The following KANSL1 variants were observed in gnomAD, a reference collection of about 807,000 sequenced individuals.
The protein encoded by KANSL1 is KAT8 regulatory NSL complex subunit 1, also known as MLL1/MLL complex subunit KANSL1.
KANSL1 carries 22 observed loss-of-function variants against 103.6 expected under a neutral mutation model. That is an observed-to-expected ratio of 0.21 (90% CI 0.15 to 0.30). The LOEUF (loss-of-function observed/expected upper bound fraction) is 0.30. KANSL1 is among the 10% of genes least tolerant of loss of function. KANSL1 has a pLI of 1.00. For missense variants in KANSL1, 1,337 were observed against 1,399.8 expected, an observed-to-expected ratio of 0.96 and a Z score of 0.72; for synonymous variants, 600 against 527.6, an observed-to-expected ratio of 1.14 and a Z score of -1.88.
chr17:46,215,541 T>A (rs1342949196), intron 1 of KANSL1, among the ~76,000 whole-genome samples: 1 of 152,052 alleles, frequency 6.6e-6, no homozygotes, highest in Non-Finnish European at 1.5e-5. Context: ...GCGATGAAGG[T>A]CTGGACTCAA....
chr17:46,139,883 GA>G (rs1184476211), intron 2 of KANSL1, among the ~76,000 whole-genome samples: 1 of 152,112 alleles, frequency 6.6e-6, no homozygotes, highest in Non-Finnish European at 1.5e-5. Flanking sequence ...AGAGGGAAGG[GA>G]AAAGGCAAAA....
At position 46,117,910 on chromosome 17, in the gene KANSL1, T is replaced by C. The variant is rs147630694; in HGVS notation, c.1290-23209A>G. Reference sequence around the variant, plus strand: ...TCAACCAAATAAAATAATCCAAGAATGTCTTTTTTGTTTATTAAATTGGAA... The same window carrying C: ...TCAACCAAATAAAATAATCCAAGAACGTCTTTTTTGTTTATTAAATTGGAA... On this transcript the variant is annotated intron_variant, in intron 2 of 14. Transcript: ENST00000432791. 9.7e-4 allele frequency among the ~76,000 whole-genome samples: 147 copies of C among 152,324 alleles called. 1 individual carries two copies. In the East Asian group the frequency reaches 0.023, roughly 24 times the overall value.
chr17:46,211,329 G>A (rs1025515696), intron 1 of KANSL1, among the ~76,000 whole-genome samples: 2 of 151,762 alleles, frequency 1.3e-5, no homozygotes, highest in Non-Finnish European at 2.9e-5. Context: ...GAGCCACACT[G>A]GAAGAAGAGC....
chr17:46,136,542 C>T (rs2044153200), intron 2 of KANSL1, among the ~76,000 whole-genome samples: 1 of 152,200 alleles, frequency 6.6e-6, no homozygotes, highest in Admixed American at 6.5e-5. Context: ...TCAACGGTAA[C>T]ATACATGACA....
At chr17:46,119,083 C>G (rs750141721) in intron 2 of KANSL1, among the ~76,000 whole-genome samples, 2 of 152,214 alleles carry the variant, frequency 1.3e-5, no homozygotes, top group African/African-American at 2.4e-5. Context: ...GGATCCTATA[C>G]ATAGCAGCTT....
chr17:46,096,302 C>CTTTTTTTTTTTTT (rs1273083741), intron 2 of KANSL1, among the ~76,000 whole-genome samples: 1 of 82,566 alleles, frequency 1.2e-5, no homozygotes, highest in Non-Finnish European at 2.3e-5. Context: ...ACATACCTGG[C>CTTTTTTTTTTTTT]TTTTTTTTCT....
intron 7 of KANSL1, 156 bp downstream of exon 7, chr17:46,050,377 T>C (rs1466829879): frequency 3.0e-6 from 2 of 677,154 alleles, no homozygotes; most frequent in Non-Finnish European, 4.9e-6. Context: ...GGTGGATCTG[T>C]TACAGTCTTT....
chr17:46,123,925 C>T (rs1451974133), intron 2 of KANSL1, among the ~76,000 whole-genome samples: 1 of 152,212 alleles, frequency 6.6e-6, no homozygotes, highest in Admixed American at 6.5e-5. Flanking sequence ...TTGGAAGACA[C>T]AATCCAAAAC....
intron 2 of KANSL1, among the ~76,000 whole-genome samples, chr17:46,152,365 C>CG (rs1277035796): frequency 6.6e-6 from 1 of 152,224 alleles, no homozygotes; most frequent in Non-Finnish European, 1.5e-5. Flanking sequence ...TTCTTAATAA[C>CG]TTACTTATAA....
chr17:46,193,809 T>G (rs2047496881), upstream of KANSL1: 1 of 165,948 alleles, frequency 6.0e-6, no homozygotes, highest in Non-Finnish European at 1.3e-5. Flanking sequence ...GGCTCGCCAG[T>G]TGAGGGGCAG....
rs763576560 is a variant in KANSL1 at position 46,171,959 on chromosome 17, T to C, written c.185A>G (p.Asp62Gly). Reference sequence around the variant, plus strand: ...TTCCTTGGTAGGATTATTTCGGAAATCTAGGCTGGGATCCTCTGCAGCAAT... The same window carrying C: ...TTCCTTGGTAGGATTATTTCGGAAACCTAGGCTGGGATCCTCTGCAGCAAT... ...KAIAAEDPSL[D>G]FRNNPTKEDL... is the part of the protein sequence containing the mutation. The change falls in exon 2 of 15, where the codon GAT becomes GGT. Residue 62 changes from aspartate (D) to glycine (G), a missense_variant. By Grantham distance (94) the Asp-to-Gly change is moderately conservative (BLOSUM62 -1). Transcript: ENST00000432791. The C allele has an allele frequency of 2.5e-6, 4 of 1,614,264 alleles. No individual in the cohort carries two copies. The highest frequency in any genetic ancestry group is 3.4e-6 in the Non-Finnish European group (4 of 1,180,052).
intron 6 of KANSL1, among the ~76,000 whole-genome samples, chr17:46,063,219 G>C (rs1426936696): frequency 6.6e-6 from 1 of 152,204 alleles, no homozygotes; most frequent in Non-Finnish European, 1.5e-5. Context: ...TCACTGTCAT[G>C]TAACAATATT....
rs757031050 is a variant in KANSL1 at position 46,038,638 on chromosome 17, G to C, written c.2441C>G (p.Thr814Ser). 106 of 1,614,030 alleles carry C rather than the reference G, an allele frequency of 6.6e-5. No individual in the cohort carries two copies. The highest frequency in any genetic ancestry group is 8.6e-5 in the Non-Finnish European group (102 of 1,180,036). The change falls in exon 10 of 15, where the codon ACC (threonine) becomes AGC (serine). Residue 814 changes from threonine (T) to serine (S), a missense_variant. Around this residue, in one of 2 missense-constraint regions of KANSL1, gnomAD observed 780 missense variants for 923.4 expected, o/e 0.84. Transcript: ENST00000432791. ...DMSSSSYLAA[T>S]HHPPHSPLVR... is the part of the protein sequence containing the mutation. ...CAAGGGACTGTGTGGAGGATGGTGG[G>C]TGGCTGCCAAGTAGCTCGAACTGCT...
chr17:46,065,728 T>G (rs1418469868), intron 6 of KANSL1, among the ~76,000 whole-genome samples: 1 of 152,208 alleles, frequency 6.6e-6, no homozygotes, highest in Non-Finnish European at 1.5e-5. Context: ...AATATTATTA[T>G]CTCATTAGTT....
intron 1 of KANSL1, among the ~76,000 whole-genome samples, chr17:46,176,012 G>A (rs1294749513): frequency 6.6e-6 from 1 of 152,272 alleles, no homozygotes; most frequent in African/African-American, 2.4e-5. Flanking sequence ...ATCACTACCA[G>A]ATAATTCCCA....
intron 1 of KANSL1, among the ~76,000 whole-genome samples, chr17:46,209,921 A>G (rs2048102200): frequency 6.6e-6 from 1 of 152,198 alleles, no homozygotes; most frequent in Non-Finnish European, 1.5e-5. Context: ...TCCTTTATCA[A>G]TATTTTCCTT....
chr17:46,211,067 C>G (rs148113666), intron 1 of KANSL1, among the ~76,000 whole-genome samples: 1 of 151,626 alleles, frequency 6.6e-6, no homozygotes, highest in African/African-American at 2.4e-5. Flanking sequence ...AAATTACATG[C>G]GAGGAAATGG....
At chr17:46,188,327 A>G (rs548258057) in intron 1 of KANSL1, among the ~76,000 whole-genome samples, 1 of 152,348 alleles carries the variant, frequency 6.6e-6, no homozygotes, top group East Asian at 1.9e-4. Context: ...GGAAGTACTG[A>G]TGAGGGAAAC....
At position 46,033,129 on chromosome 17, in the gene KANSL1, C is replaced by T. The variant is rs2077055994; in HGVS notation, c.2788G>A (p.Ala930Thr). 1.2e-6 allele frequency: 2 copies of T among 1,604,464 alleles called. No individual in the cohort carries two copies. Among genetic ancestry groups the T allele is most frequent in the South Asian group, 1.1e-5 (1 of 89,072 alleles). The stretch of plus-strand genomic sequence containing the variant: ...ACACTCGTGGTCCACAGCCACCGTG[C>T]CCTCTCCATCTCCTCACATTTGGCA... ...LHAKCEEMER[A>T]RWLWTTSVPP... is the part of the protein sequence containing the mutation. The change falls in exon 13 of 15, where the codon GCA (alanine) becomes ACA (threonine). Residue 930 changes from alanine (A) to threonine (T), a missense_variant. Physicochemically the swap from Ala to Thr is moderately conservative, Grantham distance 58 (BLOSUM62 0). Transcript: ENST00000432791.
Sources: allele counts gnomAD v4.1 joint callset (sites outside exome capture counted in the v4.1 genomes callset), GRCh38; gene constraint gnomAD v4.1.1; regional missense constraint gnomAD v4.1.1; transcripts MANE v1.5; gene names NCBI Gene and HGNC (gene_info 2026-07-23, HGNC 2026-07-21).